Variants in TCF12 observed in about 807,000 individuals in gnomAD.
TCF12 encodes transcription factor 12.
Under a neutral mutation model 86.0 loss-of-function variants are expected in TCF12, and 45 were observed. The ratio of observed to expected loss-of-function variants is 0.52; its 90% confidence interval spans 0.41 to 0.67. The LOEUF is 0.67. Ranked by LOEUF, TCF12 falls within the 30% of genes least tolerant of loss-of-function variation. The pLI, the probability that TCF12 is intolerant of heterozygous loss-of-function variation, is 0.00. For synonymous variants in TCF12, 330 were observed against 299.6 expected (o/e 1.10, Z -1.05); for missense variants, 881 against 859.9 (o/e 1.02, Z -0.31).
intron 8 of TCF12, among the ~76,000 whole-genome samples, chr15:57,211,787 C>CT (rs2058111816): frequency 2.0e-5 from 3 of 152,206 alleles, no homozygotes; most frequent in Non-Finnish European, 2.9e-5. Context: ...AACCCTGTCT[C>CT]TACTAAAAAT....
At chr15:56,963,379 T>A (rs1210695728) in intron 3 of TCF12, among the ~76,000 whole-genome samples, 1 of 152,236 alleles carries the variant, frequency 6.6e-6, no homozygotes, top group Non-Finnish European at 1.5e-5. Flanking sequence ...TATGAAATTT[T>A]GACAGTATAT....
At chr15:57,056,964 G>A (rs7176873) in intron 3 of TCF12, among the ~76,000 whole-genome samples, 37,504 of 151,880 alleles carry the variant, frequency 0.25, 5,455 homozygotes, top group East Asian at 0.4. Context: ...ACATATTACT[G>A]TCAAAGAATT....
chr15:56,991,076 G>A (rs1414344294), intron 3 of TCF12, among the ~76,000 whole-genome samples: 4 of 152,030 alleles, frequency 2.6e-5, no homozygotes, highest in African/African-American at 4.8e-5. Context: ...CATTACAGAC[G>A]CGAGCCACTG....
At chr15:57,246,584 T>A (rs1355839074) in intron 13 of TCF12, among the ~76,000 whole-genome samples, 4 of 151,906 alleles carry the variant, frequency 2.6e-5, no homozygotes, top group South Asian at 2.1e-4. Flanking sequence ...TTTTTTTTTT[T>A]AAAGTTAAAA....
intron 18 of TCF12, among the ~76,000 whole-genome samples, chr15:57,269,762 A>C (rs1345098350): frequency 6.6e-6 from 1 of 152,082 alleles, no homozygotes; most frequent in Non-Finnish European, 1.5e-5. Flanking sequence ...TGGTGACGAA[A>C]TCTCTCAGCA....
intron 4 of TCF12, among the ~76,000 whole-genome samples, chr15:57,082,814 T>C (rs919312150): frequency 8.5e-5 from 13 of 152,218 alleles, no homozygotes; most frequent in African/African-American, 2.9e-4. Context: ...ATTTAGATAA[T>C]TGACCCCAAG....
At chr15:56,986,968 G>C (rs1399772313) in intron 3 of TCF12, among the ~76,000 whole-genome samples, 1 of 152,136 alleles carries the variant, frequency 6.6e-6, no homozygotes, top group Non-Finnish European at 1.5e-5. Flanking sequence ...AAGATCTTTG[G>C]CTGTTTTTGA....
intron 20 of TCF12, 121 bp downstream of exon 20, chr15:57,282,719 T>C: frequency 1.7e-6 from 2 of 1,200,940 alleles, no homozygotes; most frequent in Non-Finnish European, 2.3e-6. Context: ...TCACATGTAA[T>C]TTGAAATATA....
At chr15:56,986,081 T>C (rs2063166230) in intron 3 of TCF12, among the ~76,000 whole-genome samples, 1 of 152,138 alleles carries the variant, frequency 6.6e-6, no homozygotes, top group Non-Finnish European at 1.5e-5. Context: ...TTTTTTGTAT[T>C]GGGTGATTCA....
At chr15:57,072,487 C>T (rs1164720804) in intron 4 of TCF12, among the ~76,000 whole-genome samples, 1 of 152,016 alleles carries the variant, frequency 6.6e-6, no homozygotes, top group Non-Finnish European at 1.5e-5. Context: ...ATTAGTGTTA[C>T]TTTTTCTTCT....
intron 8 of TCF12, chr15:57,219,161 T>C: frequency 4.7e-6 from 5 of 1,069,788 alleles, no homozygotes; most frequent in Non-Finnish European, 5.7e-6. Flanking sequence ...TGCCTTCCTT[T>C]TGTGTGTGTA....
At chr15:57,150,695 TAGAG>T (rs1346120727) in intron 5 of TCF12, among the ~76,000 whole-genome samples, 1 of 152,058 alleles carries the variant, frequency 6.6e-6, no homozygotes, top group East Asian at 1.9e-4. Flanking sequence ...TCCAGGAAAT[TAGAG>T]AGATGATGTA....
At chr15:57,215,876 A>G (rs1367745287) in intron 8 of TCF12, among the ~76,000 whole-genome samples, 1 of 152,174 alleles carries the variant, frequency 6.6e-6, no homozygotes, top group African/African-American at 2.4e-5. Flanking sequence ...ACTCTAAGAA[A>G]TTTTATATAG....
intron 3 of TCF12, among the ~76,000 whole-genome samples, chr15:57,000,423 T>A (rs535266270): frequency 1.5e-3 from 222 of 151,936 alleles, no homozygotes; most frequent in Middle Eastern, 0.01. Context: ...AATGAAGAAA[T>A]CTCAAAAGAA....
At chr15:57,256,695 C>T (rs1388138792) in intron 16 of TCF12, among the ~76,000 whole-genome samples, 2 of 152,096 alleles carry the variant, frequency 1.3e-5, no homozygotes, top group Admixed American at 6.6e-5. Flanking sequence ...AAAGTGATCA[C>T]AGAAATACTT....
chr15:57,046,060 T>G (rs2067212004), intron 3 of TCF12, among the ~76,000 whole-genome samples: 1 of 152,244 alleles, frequency 6.6e-6, no homozygotes, highest in African/African-American at 2.4e-5. Context: ...AAACCTTTCC[T>G]TACAGTTTCA....
At chr15:57,075,796 T>TCTCTCTCTCTC in intron 4 of TCF12, among the ~76,000 whole-genome samples, 1 of 26,076 alleles carries the variant, frequency 3.8e-5, no homozygotes, top group African/African-American at 1.2e-4. Flanking sequence ...CTTTCTTTCT[T>TCTCTCTCTCTC]TCTTTCTTTC....
At chr15:56,938,904 TTC>T in intron 3 of TCF12, among the ~76,000 whole-genome samples, 1 of 152,180 alleles carries the variant, frequency 6.6e-6, no homozygotes, top group Admixed American at 6.5e-5. Flanking sequence ...ACCTACTTTG[TTC>T]CCTGCTGGGT....
At chr15:57,004,916 A>G (rs2064258868) in intron 3 of TCF12, among the ~76,000 whole-genome samples, 2 of 152,214 alleles carry the variant, frequency 1.3e-5, no homozygotes, top group South Asian at 4.1e-4. Flanking sequence ...AAATTTAGAA[A>G]TTCATTCTGA....
Sources: allele counts gnomAD v4.1 joint callset (sites outside exome capture counted in the v4.1 genomes callset), GRCh38; gene constraint gnomAD v4.1.1; transcripts MANE v1.5; gene names NCBI Gene and HGNC (gene_info 2026-07-23, HGNC 2026-07-21).